NAV2: variants seen among roughly 807,000 people sequenced by gnomAD.
NAV2 encodes neuron navigator 2.
A neutral mutation model predicts 223.2 loss-of-function variants in NAV2; 54 were observed. The ratio of observed to expected loss-of-function variants is 0.24; its 90% CI spans 0.19 to 0.30. The LOEUF is 0.30. Among genes scored for constraint, NAV2 ranks in the 10% least tolerant of loss-of-function variants. NAV2 has a pLI of 1.00. For missense variants in NAV2, 2,806 were observed against 3,147.5 expected (o/e 0.89, Z 2.60); for synonymous variants, 1,279 against 1,239.3 (o/e 1.03, Z -0.67).
chr11:19,817,638 G>A (rs1040265358), intron 1 of NAV2, among the ~76,000 whole-genome samples: 5 of 152,174 alleles, frequency 3.3e-5, no homozygotes, highest in Middle Eastern at 3.2e-3. Context: ...GGGAGGGGGT[G>A]GCCAAGAGGG....
At chr11:20,087,852 A>G (rs1245578244) in intron 26 of NAV2, among the ~76,000 whole-genome samples, 1 of 152,128 alleles carries the variant, frequency 6.6e-6, no homozygotes, top group African/African-American at 2.4e-5. Flanking sequence ...AAAACTGGAG[A>G]TAATTACAGT....
Position 19,378,507 on chromosome 11 carries a change from G to A in NAV2, c.75+27480G>A, listed in dbSNP as rs536420654. ...GATAGATGCCATGCACGGAATCAGC[G>A]CGCACCCTTAATAAAGAGCGGCGCC... On this transcript the variant is annotated intron_variant, in intron 1 of 37. Coordinates refer to the NAV2 transcript ENST00000360655. Among the ~76,000 whole-genome samples the A allele has an allele frequency of 1.4e-3, 213 of 152,030 alleles. 2 individuals carry two copies. Among genetic ancestry groups the A allele is most frequent in the African/African-American group, 4.6e-3 (191 of 41,448 alleles).
intron 1 of NAV2, among the ~76,000 whole-genome samples, chr11:19,519,333 GTAAGGTGCTTA>G (rs1439082274): frequency 2.0e-5 from 3 of 152,136 alleles, no homozygotes; most frequent in African/African-American, 7.2e-5. Context: ...ATGGGCTCTC[GTAAGGTGCTTA>G]TTGTGTGCTA....
At chr11:19,777,317 G>C (rs867799088) in intron 1 of NAV2, 5 of 216,474 alleles carry the variant, frequency 2.3e-5, no homozygotes, top group Admixed American at 6.4e-5. Context: ...GCGACCGCGG[G>C]CGCCGGGGAT....
chr11:19,349,237 T>A (rs1201307969), upstream of NAV2, among the ~76,000 whole-genome samples: 3 of 152,186 alleles, frequency 2.0e-5, no homozygotes, highest in Non-Finnish European at 4.4e-5. Flanking sequence ...GTGTTTCACG[T>A]GTGTGGGACA....
At chr11:19,882,199 C>T (rs555341335) in intron 5 of NAV2, among the ~76,000 whole-genome samples, 1 of 152,272 alleles carries the variant, frequency 6.6e-6, no homozygotes, top group South Asian at 2.1e-4. Flanking sequence ...GAAGGAAGGA[C>T]CTCAGTTGAG....
intron 36 of NAV2, among the ~76,000 whole-genome samples, chr11:20,109,007 G>A (rs905757222): frequency 2.6e-5 from 4 of 152,308 alleles, no homozygotes; most frequent in South Asian, 2.1e-4. Context: ...AGATGCTATC[G>A]TAGGCCTGTG....
At chr11:20,071,007 C>G (rs1010892789) in intron 22 of NAV2, among the ~76,000 whole-genome samples, 1 of 151,904 alleles carries the variant, frequency 6.6e-6, no homozygotes, top group Non-Finnish European at 1.5e-5. Flanking sequence ...GCAGAATGTG[C>G]AGGTTCGTTA....
intron 1 of NAV2, among the ~76,000 whole-genome samples, chr11:19,674,684 G>A (rs1429058616): frequency 6.6e-6 from 1 of 152,116 alleles, no homozygotes; most frequent in African/African-American, 2.4e-5. Flanking sequence ...AGGCTTCCTG[G>A]GCACTTCTCT....
chr11:19,827,448 C>T (rs779491633), intron 1 of NAV2, among the ~76,000 whole-genome samples: 82 of 152,254 alleles, frequency 5.4e-4, no homozygotes, highest in Non-Finnish European at 8.8e-4. Flanking sequence ...AGAATTGGCC[C>T]GGGTTGCAGT....
chr11:19,679,384 T>C (rs569975138), intron 1 of NAV2, among the ~76,000 whole-genome samples: 1 of 138,264 alleles, frequency 7.2e-6, no homozygotes, highest in African/African-American at 2.5e-5. Context: ...TGAACCGAGA[T>C]TGTGCCACTG....
chr11:19,354,971 C>G (rs1220988607), intron 1 of NAV2, among the ~76,000 whole-genome samples: 3 of 152,212 alleles, frequency 2.0e-5, no homozygotes, highest in Non-Finnish European at 2.9e-5. Context: ...GCATCCCTAA[C>G]TCTTGTCAGA....
At chr11:19,632,271 C>T (rs1310606669) in intron 1 of NAV2, among the ~76,000 whole-genome samples, 3 of 152,204 alleles carry the variant, frequency 2.0e-5, no homozygotes, top group African/African-American at 7.2e-5. Flanking sequence ...TTTTTTCTAG[C>T]AATTTAATTT....
intron 2 of NAV2, among the ~76,000 whole-genome samples, chr11:19,834,924 A>G (rs2060150862): frequency 6.6e-6 from 1 of 152,192 alleles, no homozygotes; most frequent in South Asian, 2.1e-4. Context: ...TTTGAAATCT[A>G]TGGCATGTTC....
Position 19,775,129 on chromosome 11 carries a change from A to G in NAV2, c.268-57355A>G, listed in dbSNP as rs932682195. 2.6e-5 allele frequency among the ~76,000 whole-genome samples: 4 copies of G among 152,346 alleles called. No individual in the cohort carries two copies. In the East Asian group the frequency reaches 5.8e-4, roughly 22 times the overall value. ...ATCTTGTGTTTTGCTCTCTTAGCCA[A>G]TAAGATTTGTCAAGCTTTATTTTTG... On this transcript the variant is annotated intron_variant, in intron 1 of 37. Transcript: ENST00000349880.
intron 36 of NAV2, among the ~76,000 whole-genome samples, chr11:20,109,810 C>A (rs1041516204): frequency 7.2e-5 from 11 of 152,348 alleles, no homozygotes; most frequent in African/African-American, 2.6e-4. Context: ...CTGGGAAGAA[C>A]TCACGGGCTC....
At chr11:19,477,407 G>T (rs1319944025) in intron 1 of NAV2, among the ~76,000 whole-genome samples, 7 of 152,172 alleles carry the variant, frequency 4.6e-5, no homozygotes, top group Non-Finnish European at 7.4e-5. Context: ...AGGATTTATT[G>T]AGTGGGATTA....
At chr11:19,858,686 G>A (rs2061519318) in intron 3 of NAV2, among the ~76,000 whole-genome samples, 1 of 152,154 alleles carries the variant, frequency 6.6e-6, no homozygotes, top group African/African-American at 2.4e-5. Context: ...AAAGGTCTTA[G>A]GGTTTCTCAT....
At chr11:19,876,962 A>G (rs1409651774) in intron 4 of NAV2, among the ~76,000 whole-genome samples, 1 of 124,230 alleles carries the variant, frequency 8.0e-6, no homozygotes, top group Non-Finnish European at 1.9e-5. Context: ...TTATCAATAA[A>G]AAATATTTAT....
Sources: gnomAD v4.1 joint callset for allele counts (sites outside exome capture counted in the v4.1 genomes callset) on GRCh38, gnomAD v4.1.1 for gene constraint, MANE v1.5 for transcripts, NCBI Gene and HGNC (gene_info 2026-07-23, HGNC 2026-07-21) for gene names.